Variants in PCDH7 observed in about 807,000 individuals in gnomAD.
The protein encoded by PCDH7 is protocadherin 7, also known as protocadherin-7.
Under a neutral mutation model 58.9 loss-of-function variants are expected in PCDH7, and 17 were observed. That is an observed-to-expected ratio of 0.29 (90% CI 0.20 to 0.43). The LOEUF (loss-of-function observed/expected upper bound fraction) is 0.43, where lower values mean the gene tolerates loss of function less well. Among genes scored for constraint, PCDH7 ranks in the 20% least tolerant of loss-of-function variants. The probability of loss-of-function intolerance (pLI) is 1.00; values close to 1 mark genes in which losing one functional copy is unlikely to be tolerated. For missense variants in PCDH7, 1,274 were observed against 1,441.0 expected (o/e 0.88, Z 1.88); for synonymous variants, 664 against 616.4 (o/e 1.08, Z -1.14).
At chr4:30,922,817 G>A (rs988807941) in intron 2 of PCDH7, among the ~76,000 whole-genome samples, 11 of 152,098 alleles carry the variant, frequency 7.2e-5, no homozygotes, top group African/African-American at 2.7e-4. Flanking sequence ...ATGACAAAAT[G>A]AGATGCGATG....
chr4:31,081,242 G>C (rs9991482), intron 3 of PCDH7, among the ~76,000 whole-genome samples: 9,296 of 152,148 alleles, frequency 0.061, 387 homozygotes, highest in African/African-American at 0.12. Flanking sequence ...AATTTTATTT[G>C]GTTATGTTTT....
chr4:30,783,236 G>A (rs1274729075), intron 1 of PCDH7: 3 of 151,920 alleles, frequency 2.0e-5, no homozygotes, highest in Non-Finnish European at 4.4e-5. Flanking sequence ...TAATAACACT[G>A]GTTATTCTTA....
At chr4:31,142,717 C>T in exon 4 of PCDH7, 1 of 1,367,710 alleles carries the variant, frequency 7.3e-7, no homozygotes, top group Middle Eastern at 2.1e-4. Context: ...TGACCTCATC[C>T]TATGAGACCT....
chr4:31,023,505 A>C (rs1446912244), intron 3 of PCDH7, among the ~76,000 whole-genome samples: 1 of 152,182 alleles, frequency 6.6e-6, no homozygotes, highest in South Asian at 2.1e-4. Flanking sequence ...TTAAACCTAA[A>C]ATTACCTGAA....
At chr4:30,999,636 A>T (rs1752191399) in intron 3 of PCDH7, among the ~76,000 whole-genome samples, 1 of 152,156 alleles carries the variant, frequency 6.6e-6, no homozygotes, top group South Asian at 2.1e-4. Context: ...AAGACACGGG[A>T]CCAAACGATA....
chr4:30,723,460 G>C lies in PCDH7; in HGVS notation c.2038G>C (p.Glu680Gln), dbSNP rs1174572821. 4 of 1,614,152 alleles carry C rather than the reference G, an allele frequency of 2.5e-6. No individual in the cohort carries two copies. The highest frequency in any genetic ancestry group is 2.5e-6 in the Non-Finnish European group (3 of 1,180,010). Residue 680 changes from glutamate to glutamine, a missense_variant, in exon 1 of 2, where the codon GAG (glutamate) becomes CAG (glutamine). Physicochemically the swap from Glu to Gln is conservative, Grantham distance 29 (BLOSUM62 2). Transcript: ENST00000361762. The surrounding 1 kb of genome is among the most constrained non-coding windows in gnomAD (Gnocchi z 4.6). ...TGCAGAGATGAGCCTGTACATAGAG[G>C]AGAACAATAACATTTTTTCTATTGA... is the stretch of plus-strand genomic sequence containing the variant.
chr4:30,901,246 T>A (rs1007939286), intron 1 of PCDH7, among the ~76,000 whole-genome samples: 1 of 152,112 alleles, frequency 6.6e-6, no homozygotes, highest in Non-Finnish European at 1.5e-5. Context: ...TTATAATAAG[T>A]CACATTTACA....
chr4:31,048,841 C>T (rs1756503344), intron 3 of PCDH7, among the ~76,000 whole-genome samples: 1 of 152,024 alleles, frequency 6.6e-6, no homozygotes. Context: ...CTGGAAAGAA[C>T]ATTATATGAA....
chr4:30,800,267 G>C (rs970173600), intron 1 of PCDH7, among the ~76,000 whole-genome samples: 1 of 151,894 alleles, frequency 6.6e-6, no homozygotes, highest in Non-Finnish European at 1.5e-5. Context: ...GAGTGTAGGA[G>C]TATAAAAATA....
chr4:31,112,246 A>G (rs1716413944), intron 3 of PCDH7, among the ~76,000 whole-genome samples: 1 of 152,208 alleles, frequency 6.6e-6, no homozygotes. Flanking sequence ...AACAAGATTC[A>G]GGTATTAATA....
intron 2 of PCDH7, among the ~76,000 whole-genome samples, chr4:30,920,713 T>C (rs548024391): frequency 9.8e-5 from 15 of 152,286 alleles, no homozygotes; most frequent in African/African-American, 3.6e-4. Flanking sequence ...TCTATTCATT[T>C]TTGTCATGCA....
At chr4:30,835,421 A>G (rs1170487365) in intron 1 of PCDH7, among the ~76,000 whole-genome samples, 1 of 152,170 alleles carries the variant, frequency 6.6e-6, no homozygotes, top group African/African-American at 2.4e-5. Context: ...CTTTCTGAGA[A>G]TCTAACTAAT....
rs536026452 is a variant in PCDH7 at position 31,098,291 on chromosome 4, T to C, written c.*8-44182T>C. Among the ~76,000 whole-genome samples, 4 of 152,342 alleles carry C rather than the reference T, an allele frequency of 2.6e-5. No homozygotes were observed. The East Asian group carries it at 5.8e-4, about 22-fold the overall frequency. The stretch of plus-strand genomic sequence containing the variant: ...GACCAGTGGAAAAAGTCATAAGCTA[T>C]TTTTGTGAAATGTATTTCTAGTACA... On this transcript the variant is annotated intron_variant, in intron 3 of 3. Transcript: ENST00000509759.
chr4:30,985,667 T>A (rs1313390562), intron 3 of PCDH7, among the ~76,000 whole-genome samples: 4 of 152,210 alleles, frequency 2.6e-5, no homozygotes, highest in Non-Finnish European at 4.4e-5. Flanking sequence ...ATAGTACTTA[T>A]CATAAAGTAG....
In PCDH7 at chr4:30,823,318, C is replaced by T. The variant is rs955707868; in HGVS notation, c.71-96835C>T. On this transcript the variant is annotated intron_variant, in intron 1 of 3. Coordinates refer to the PCDH7 transcript ENST00000509759. The stretch of plus-strand genomic sequence containing the variant: ...GTATTTCTCATAGCTTGACATGTAG[C>T]GGTAATGGTTCTATTAGCTGTGGAA... 3.9e-5 allele frequency among the ~76,000 whole-genome samples: 6 copies of T among 152,212 alleles called. No individual in the cohort carries two copies. In the East Asian group the frequency reaches 7.7e-4, roughly 20 times the overall value.
chr4:31,081,759 G>T (rs1159133964), intron 3 of PCDH7, among the ~76,000 whole-genome samples: 2 of 150,536 alleles, frequency 1.3e-5, no homozygotes, highest in African/African-American at 4.9e-5. Flanking sequence ...TCTTTAAAGG[G>T]ACTTTTTTTA....
chr4:31,099,386 T>A (rs2109298262), intron 3 of PCDH7, among the ~76,000 whole-genome samples: 1 of 152,302 alleles, frequency 6.6e-6, no homozygotes, highest in South Asian at 2.1e-4. Context: ...GATCATATAT[T>A]CAGGAAAATC....
intron 1 of PCDH7, among the ~76,000 whole-genome samples, chr4:30,892,717 T>C (rs530699698): frequency 2.0e-5 from 3 of 152,212 alleles, no homozygotes; most frequent in South Asian, 4.1e-4. Context: ...CATAATAATA[T>C]GTTAATATGA....
chr4:30,879,488 G>A (rs1040137026), intron 1 of PCDH7, among the ~76,000 whole-genome samples: 10 of 151,802 alleles, frequency 6.6e-5, no homozygotes, highest in African/African-American at 9.7e-5. Context: ...AATTCTTACC[G>A]TTTACGTGAC....
Sources: allele counts gnomAD v4.1 joint callset (sites outside exome capture counted in the v4.1 genomes callset), GRCh38; gene constraint gnomAD v4.1.1; non-coding constraint Gnocchi (gnomAD v3.1); transcripts MANE v1.5; gene names NCBI Gene and HGNC (gene_info 2026-07-23, HGNC 2026-07-21).